PLCB3: variants seen among roughly 807,000 people sequenced by gnomAD.
The protein encoded by PLCB3 is 1-phosphatidylinositol 4,5-bisphosphate phosphodiesterase beta-3.
PLCB3 carries 54 observed loss-of-function variants against 152.1 expected under a neutral mutation model. The observed-to-expected ratio is 0.36, with a 90% confidence interval of 0.29 to 0.45. PLCB3 has a LOEUF of 0.45. Among genes scored for constraint, PLCB3 ranks in the 20% least tolerant of loss-of-function variants. The pLI, the probability that PLCB3 is intolerant of heterozygous loss-of-function variation, is 1.00. For missense variants in PLCB3, 1,248 were observed against 1,687.5 expected, an observed-to-expected ratio of 0.74 and a Z score of 4.56; for synonymous variants, 717 against 698.7, an observed-to-expected ratio of 1.03 and a Z score of -0.41.
In PLCB3 at chr11:64,258,699, G is replaced by C; in HGVS notation, c.1239G>C (p.Glu413Asp). 1 of 1,613,916 alleles carries C rather than the reference G, an allele frequency of 6.2e-7. No homozygotes were observed. The highest frequency in any genetic ancestry group is 8.5e-7 in the Non-Finnish European group (1 of 1,180,010). Residue 413 changes from glutamate to aspartate, a missense_variant, in exon 11 of 31, where the codon GAG (glutamate) becomes GAC (aspartate). This residue lies in a region of PLCB3 where 122 missense variants were observed against 221.8 expected (regional missense o/e 0.55). Coordinates refer to ENST00000279230, the MANE Select transcript of PLCB3 (RefSeq NM_000932.5). The surrounding 1 kb of genome is among the most constrained non-coding windows in gnomAD (Gnocchi z 7.2). ...TSPYPVILSF[E>D]NHVDSAKQQA... Reference sequence around the variant, plus strand: ...CCTACCCCGTCATCCTCTCCTTCGAGAACCATGTGGACTCGTGAGTGAGCC... The same window carrying C: ...CCTACCCCGTCATCCTCTCCTTCGACAACCATGTGGACTCGTGAGTGAGCC...
At position 64,260,078 on chromosome 11, in the gene PLCB3, A is replaced by G. The variant is rs1414667290; in HGVS notation, c.1575A>G (p.Val525=). 1.9e-6 allele frequency: 3 copies of G among 1,612,018 alleles called. No homozygotes were observed. The highest frequency in any genetic ancestry group is 2.2e-5 in the East Asian group (1 of 44,876). Reference sequence around the variant, plus strand: ...CAGGCCTGAGCAATGGGGAGGAGGTAGGGCTTGAGAAGCCCAGCCTGGAGC... The same window carrying G: ...CAGGCCTGAGCAATGGGGAGGAGGTGGGGCTTGAGAAGCCCAGCCTGGAGC... The part of the protein sequence containing the change: ...SCPGLSNGEE[V]GLEKPSLEPQ... Residue 525 remains valine, a synonymous_variant, in exon 14 of 31, where the codon GTA becomes GTG. Coordinates refer to ENST00000279230, the MANE Select transcript of PLCB3 (RefSeq NM_000932.5).
At chr11:64,256,883 A>T in intron 10 of PLCB3, 119 bp downstream of exon 10, 1 of 1,124,048 alleles carries the variant, frequency 8.9e-7, no homozygotes, top group Non-Finnish European at 1.3e-6. Flanking sequence ...AGTGCTGGGG[A>T]TGCAGGCAGG....
At chr11:64,251,855 C>A in intron 1 of PLCB3, 107 bp downstream of exon 1, 1 of 575,404 alleles carries the variant, frequency 1.7e-6, no homozygotes, top group South Asian at 4.1e-5. Context: ...TGGCGCCACC[C>A]TCATCCCAGT....
At chr11:64,269,264 CCTCT>C (rs1408269503), downstream of PLCB3, 1 of 152,500 alleles carries the variant, frequency 6.6e-6, no homozygotes, top group Non-Finnish European at 1.5e-5. Flanking sequence ...TCCCTGAAGC[CCTCT>C]CTGACTGCCC....
In PLCB3 at chr11:64,254,944, G is replaced by A. The variant is rs746775656; in HGVS notation, c.293G>A (p.Arg98Gln). Residue 98 changes from arginine (R) to glutamine (Q), a missense_variant, in exon 4 of 31, where the codon CGG becomes CAG. Arg to Gln is a conservative substitution (Grantham distance 43, BLOSUM62 1). Around this residue, in one of 6 missense-constraint regions of PLCB3, gnomAD observed 299 missense variants for 434.7 expected, o/e 0.69. Transcript: ENST00000279230. ...CTGGGCTTTGGGGGTCCCGATGCCC[G>A]GCTGGAGGAGAAGCTGATGACGGTG... ...EVLGFGGPDARLEEKLMTVVS... is the reference protein window; with the variant it reads ...EVLGFGGPDAQLEEKLMTVVS... 4.4e-6 allele frequency: 7 copies of A among 1,602,294 alleles called. No homozygotes were observed. Among genetic ancestry groups the A allele is most frequent in the African/African-American group, 2.7e-5 (2 of 74,702 alleles).
At chr11:64,253,666 G>T (rs978266143) in intron 1 of PLCB3, among the ~76,000 whole-genome samples, 1 of 152,168 alleles carries the variant, frequency 6.6e-6, no homozygotes, top group Non-Finnish European at 1.5e-5. Flanking sequence ...AGTCACACAG[G>T]GTGGCCCTGG....
At chr11:64,261,753 G>A in intron 16 of PLCB3, 88 bp downstream of exon 16, 1 of 1,434,012 alleles carries the variant, frequency 7.0e-7, no homozygotes, top group South Asian at 1.1e-5. Context: ...TATGCCACCT[G>A]CACAGGGTGC....
intron 22 of PLCB3, among the ~76,000 whole-genome samples, chr11:64,264,615 A>G (rs897879513): frequency 2.0e-5 from 3 of 152,004 alleles, no homozygotes; most frequent in Non-Finnish European, 2.9e-5. Flanking sequence ...AGCAAGGAAA[A>G]TGAGCGACTG....
In PLCB3 at chr11:64,266,568, G is replaced by A. The variant is rs753723076; in HGVS notation, c.3414+16G>A. On this transcript the variant is annotated intron_variant, in intron 29 of 30. Transcript: ENST00000279230. This position sits in a 1 kb window ranked among gnomAD's most constrained non-coding sequence, Gnocchi z 4.9. ...CATCCGTCGGGTGAGTCAGGCTCCC[G>A]GGCCACCCTACCCCACCTCCCTTCC... 1.2e-5 allele frequency: 19 copies of A among 1,612,738 alleles called. 1 individual carries two copies. Among genetic ancestry groups the A allele is most frequent in the East Asian group, 2.2e-5 (1 of 44,882 alleles).
At chr11:64,256,342 G>A (rs1445368506) in intron 8 of PLCB3, 34 bp from the exon 9 acceptor site, 3 of 1,603,002 alleles carry the variant, frequency 1.9e-6, no homozygotes, top group Non-Finnish European at 2.6e-6. Flanking sequence ...GCCCTGCCAG[G>A]CTCCATCCTG....
Position 64,264,091 on chromosome 11 carries a change from C to A in PLCB3, c.2631C>A (p.Ala877=). 6.5e-7 allele frequency: 1 copy of A among 1,547,436 alleles called. No individual in the cohort carries two copies. ...TGGACCAGAGGGCCCGGCAGCTGGC[C>A]GCCCTCATTGGGGAGAGTGAGGTGA... is the stretch of plus-strand genomic sequence containing the variant. ...SLMDQRARQL[A]ALIGESEAQA... is the part of the protein sequence containing the mutation. The change falls in exon 22 of 31, where the codon GCC becomes GCA. Residue 877 remains alanine (A), a synonymous_variant. Coordinates refer to ENST00000279230, the MANE Select transcript of PLCB3 (RefSeq NM_000932.5).
intron 13 of PLCB3, among the ~76,000 whole-genome samples, chr11:64,259,533 C>G (rs1231132733): frequency 6.6e-6 from 1 of 152,150 alleles, no homozygotes; most frequent in African/African-American, 2.4e-5. Flanking sequence ...AGGCTGACCT[C>G]TGACCTCAGT....
chr11:64,265,610 A>C (rs570408981), intron 25 of PLCB3, 108 bp downstream of exon 25: 1,122 of 1,458,816 alleles, frequency 7.7e-4, no homozygotes, highest in Non-Finnish European at 8.4e-4. Flanking sequence ...ACCCCCAGGG[A>C]GGAGGGTTCA....
At chr11:64,256,204 G>A (rs1214910087) in intron 8 of PLCB3, among the ~76,000 whole-genome samples, 172 bp from the exon 9 acceptor site, 1 of 152,154 alleles carries the variant, frequency 6.6e-6, no homozygotes. Context: ...AGTCAGGAGA[G>A]TAAAGGGGGA....
rs758887623 is a variant in PLCB3, at chr11:64,260,154, G to A, written c.1651G>A (p.Gly551Arg). The part of the protein sequence containing the change: ...EGLNRGPYVL[G>R]PADREDEEED... ...CCTGAACCGAGGCCCCTATGTTCTT[G>A]GACCTGCTGACCGTGAGGATGAGGA... Residue 551 changes from glycine to arginine, a missense_variant, in exon 14 of 31, where the codon GGA (glycine) becomes AGA (arginine). Physicochemically the swap from Gly to Arg is moderately radical, Grantham distance 125. Coordinates refer to ENST00000279230, the MANE Select transcript of PLCB3 (RefSeq NM_000932.5). 1 of 1,610,168 alleles carries A rather than the reference G, an allele frequency of 6.2e-7. No individual in the cohort carries two copies. Among genetic ancestry groups the A allele is most frequent in the Non-Finnish European group, 8.5e-7 (1 of 1,178,526 alleles).
Position 64,256,762 on chromosome 11 carries a change from C to T in PLCB3, c.1010C>T (p.Thr337Ile), listed in dbSNP as rs2031554914. The change falls in exon 10 of 31, where the codon ACT becomes ATT. Residue 337 changes from threonine (T) to isoleucine (I), a missense_variant and splice_region_variant. Thr to Ile is a moderately conservative substitution (Grantham distance 89). This residue lies in a region of PLCB3 where 122 missense variants were observed against 221.8 expected (regional missense o/e 0.55). Transcript: ENST00000279230. ...AACTCCTCGCATAACACCTATCTCA[C>T]TGGTGAGTGGGGAGCAAGGGTGGCA... ...FINSSHNTYLTAGQLAGTSSV... is the reference protein window; with the variant it reads ...FINSSHNTYLIAGQLAGTSSV... 2 of 1,613,902 alleles carry T rather than the reference C, an allele frequency of 1.2e-6. No individual in the cohort carries two copies. The highest frequency in any genetic ancestry group is 1.7e-6 in the Non-Finnish European group (2 of 1,179,842).
chr11:64,251,816 G>A, intron 1 of PLCB3, 68 bp downstream of exon 1: 1 of 965,752 alleles, frequency 1.0e-6, no homozygotes. Flanking sequence ...CCAGACGCTG[G>A]GGACCCCCAC....
chr11:64,258,342 C>A lies in PLCB3; in HGVS notation c.1013-131C>A. On this transcript the variant is annotated intron_variant, in intron 10 of 30. Coordinates refer to ENST00000279230, the MANE Select transcript of PLCB3 (RefSeq NM_000932.5). The surrounding 1 kb of genome is among the most constrained non-coding windows in gnomAD (Gnocchi z 7.2). ...CCCCAGCTCACGCTGGTGGGATGGA[C>A]AGGTGGTGGGTATCCATCTGAGAGA... 2 of 997,760 alleles carry A rather than the reference C, an allele frequency of 2.0e-6. No homozygotes were observed. Among genetic ancestry groups the A allele is most frequent in the East Asian group, 2.6e-5 (1 of 38,290 alleles). The allele number at this position is 997,760 out of a possible 1,614,324, so 61.8% of individuals were successfully genotyped here. A position where few individuals can be genotyped will look rare whatever the true frequency, so the allele number is the denominator to read the frequency against.
intron 14 of PLCB3, 65 bp downstream of exon 14, chr11:64,260,299 T>C: frequency 8.3e-7 from 1 of 1,208,784 alleles, no homozygotes; most frequent in Non-Finnish European, 1.2e-6. Context: ...GGGCTGGGTC[T>C]GACCATCAAC....
Sources: allele counts gnomAD v4.1 joint callset (sites outside exome capture counted in the v4.1 genomes callset), GRCh38; gene constraint gnomAD v4.1.1; regional missense constraint gnomAD v4.1.1; non-coding constraint Gnocchi (gnomAD v3.1); transcripts MANE v1.5; gene names NCBI Gene and HGNC (gene_info 2026-07-23, HGNC 2026-07-21).